Variants in FTO observed in about 807,000 individuals in gnomAD.
FTO encodes alpha-ketoglutarate-dependent dioxygenase FTO.
FTO carries 47 observed loss-of-function variants against 63.9 expected under a neutral mutation model. That is an observed-to-expected ratio of 0.74 (90% CI 0.58 to 0.94). The LOEUF (loss-of-function observed/expected upper bound fraction) is 0.94. Ranked by LOEUF, FTO falls within the 40% of genes least tolerant of loss-of-function variation. The pLI is 0.00. For synonymous variants in FTO, 207 were observed against 224.4 expected (o/e 0.92, Z 0.69); for missense variants, 562 against 618.1 (o/e 0.91, Z 0.96).
At chr16:53,874,849 C>T (rs147335672) in intron 5 of FTO, among the ~76,000 whole-genome samples, 2 of 152,318 alleles carry the variant, frequency 1.3e-5, no homozygotes, top group African/African-American at 4.8e-5. Flanking sequence ...CTTTTCCATT[C>T]ACTCATTCAT....
chr16:53,961,138 G>C (rs976809602), intron 8 of FTO, among the ~76,000 whole-genome samples: 2 of 151,844 alleles, frequency 1.3e-5, no homozygotes, highest in East Asian at 1.9e-4. Context: ...GCCATCAGAG[G>C]CTCTCCTTTT....
chr16:53,899,555 C>T (rs2081352212), intron 7 of FTO, among the ~76,000 whole-genome samples: 1 of 152,164 alleles, frequency 6.6e-6, no homozygotes, highest in Non-Finnish European at 1.5e-5. Flanking sequence ...TATTTATCAT[C>T]CTTTGGGTAT....
intron 2 of FTO, among the ~76,000 whole-genome samples, chr16:53,825,610 A>C (rs924650328): frequency 6.6e-6 from 1 of 152,150 alleles, no homozygotes; most frequent in Admixed American, 6.5e-5. Flanking sequence ...CAGGACACAC[A>C]TTATTATTTT....
chr16:54,001,233 A>G (rs796115240), intron 8 of FTO, among the ~76,000 whole-genome samples: 3 of 152,188 alleles, frequency 2.0e-5, no homozygotes, highest in African/African-American at 4.8e-5. Flanking sequence ...ATTAAATGAG[A>G]GAAAGTGCAA....
chr16:53,816,570 C>T (rs1167262464), intron 2 of FTO, among the ~76,000 whole-genome samples: 4 of 151,974 alleles, frequency 2.6e-5, no homozygotes, highest in Admixed American at 2.0e-4. Context: ...CACTCCTGCC[C>T]CAAGGCCTTT....
intron 4 of FTO, among the ~76,000 whole-genome samples, chr16:53,865,164 T>C (rs2080273238): frequency 6.6e-6 from 1 of 152,180 alleles, no homozygotes; most frequent in Non-Finnish European, 1.5e-5. Context: ...GACTGGCATT[T>C]ATGTATTTCC....
At chr16:53,859,282 A>T (rs1056947997) in intron 4 of FTO, among the ~76,000 whole-genome samples, 2 of 151,860 alleles carry the variant, frequency 1.3e-5, no homozygotes, top group African/African-American at 4.8e-5. Flanking sequence ...ATGTCTTCTG[A>T]CCTCCTTCTT....
intron 8 of FTO, among the ~76,000 whole-genome samples, chr16:54,049,779 C>T (rs1426740975): frequency 6.6e-6 from 1 of 152,174 alleles, no homozygotes; most frequent in Non-Finnish European, 1.5e-5. Context: ...CTCTGAGATG[C>T]CCATTCATGG....
At chr16:53,938,509 G>A (rs764159324) in intron 8 of FTO, among the ~76,000 whole-genome samples, 13 of 152,222 alleles carry the variant, frequency 8.5e-5, no homozygotes, top group Non-Finnish European at 1.6e-4. Context: ...CACATGCCAT[G>A]AGTCCACTTT....
At chr16:53,760,810 A>G (rs918032335) in intron 1 of FTO, among the ~76,000 whole-genome samples, 6 of 151,186 alleles carry the variant, frequency 4.0e-5, no homozygotes, top group African/African-American at 1.5e-4. Flanking sequence ...TATTTTTAGT[A>G]GAGACAGGGT....
At chr16:53,769,721 A>G (rs1364186197) in intron 1 of FTO, among the ~76,000 whole-genome samples, 2 of 152,124 alleles carry the variant, frequency 1.3e-5, no homozygotes, top group Non-Finnish European at 2.9e-5. Flanking sequence ...TGCAAAAATC[A>G]TATCAAAATA....
chr16:54,096,811 C>T (rs1053284024), intron 8 of FTO, among the ~76,000 whole-genome samples: 2 of 152,188 alleles, frequency 1.3e-5, no homozygotes, highest in Admixed American at 6.5e-5. Flanking sequence ...GTACCACCCT[C>T]ATGACCTAAT....
At chr16:54,026,430 G>C (rs1015992882) in intron 8 of FTO, among the ~76,000 whole-genome samples, 41 of 152,306 alleles carry the variant, frequency 2.7e-4, no homozygotes, top group Middle Eastern at 3.4e-3. Context: ...TTCCCCAGAA[G>C]CCTTGCCCAA....
At chr16:54,020,069 A>C (rs572417562) in intron 8 of FTO, among the ~76,000 whole-genome samples, 148 of 152,344 alleles carry the variant, frequency 9.7e-4, no homozygotes, top group African/African-American at 3.5e-3. Flanking sequence ...GGAGTATTAC[A>C]TTTTAGAGTA....
Position 53,888,897 on chromosome 16 carries a change from G to A in FTO, c.1185G>A (p.Trp395Ter). ...QGNRYRKCTD[W>*]WCQPMAQLEA... ...ATCGATACAGAAAGTGCACTGACTG[G>A]TGGTGTCAACCCATGGCTCAACTGG... is the stretch of plus-strand genomic sequence containing the variant. Residue 395 changes from tryptophan to a stop codon, truncating the protein, a stop_gained, in exon 7 of 9, where the codon TGG becomes TGA. Transcript: ENST00000471389. LOFTEE classifies it high-confidence loss of function. 6.2e-7 allele frequency: 1 copy of A among 1,614,090 alleles called. No homozygotes were observed. Among genetic ancestry groups the A allele is most frequent in the Non-Finnish European group, 8.5e-7 (1 of 1,179,918 alleles).
intron 3 of FTO, among the ~76,000 whole-genome samples, chr16:53,838,311 G>C (rs1178343248): frequency 6.6e-6 from 1 of 152,136 alleles, no homozygotes; most frequent in African/African-American, 2.4e-5. Context: ...AATCACAAGG[G>C]TGGGAATCTT....
At position 53,734,832 on chromosome 16, in the gene FTO, A is replaced by T. The variant is rs907710520; in HGVS notation, c.45+30603A>T. Among the ~76,000 whole-genome samples, 14 of 152,324 alleles carry T rather than the reference A, an allele frequency of 9.2e-5. No individual in the cohort carries two copies. In the East Asian group the frequency reaches 2.7e-3, roughly 29 times the overall value. ...CTGTGTTCAGGGTAGGAAGAAGAGG[A>T]TGGGAAGATAAAAGAGAGTTTTTAT... is the stretch of plus-strand genomic sequence containing the variant. On this transcript the variant is annotated intron_variant, in intron 1 of 8. Coordinates refer to ENST00000471389, the MANE Select transcript of FTO (RefSeq NM_001080432.3).
At chr16:54,085,575 T>C (rs2086239823) in intron 8 of FTO, among the ~76,000 whole-genome samples, 1 of 152,190 alleles carries the variant, frequency 6.6e-6, no homozygotes, top group Non-Finnish European at 1.5e-5. Flanking sequence ...TTTTAAAGTA[T>C]ATAGCAACTT....
chr16:53,954,753 G>A (rs918525552), intron 8 of FTO, among the ~76,000 whole-genome samples: 17 of 152,034 alleles, frequency 1.1e-4, no homozygotes, highest in African/African-American at 2.7e-4. Context: ...CTGTTGAGCC[G>A]GAAGTGGTGC....
Sources: gnomAD v4.1 joint callset for allele counts (sites outside exome capture counted in the v4.1 genomes callset) on GRCh38, gnomAD v4.1.1 for gene constraint, MANE v1.5 for transcripts, NCBI Gene and HGNC (gene_info 2026-07-23, HGNC 2026-07-21) for gene names.